The following DERA variants were observed in gnomAD, a reference collection of about 807,000 sequenced individuals.
DERA encodes 2-deoxy-D-ribose 5-phosphate aldolase.
DERA carries 15 observed loss-of-function variants against 41.1 expected under a neutral mutation model. That is an observed-to-expected ratio of 0.37 (90% CI 0.24 to 0.56). DERA has a LOEUF of 0.56. Ranked by LOEUF, DERA falls within the 20% of genes least tolerant of loss-of-function variation. DERA has a pLI of 0.81. For missense variants in DERA, 396 were observed against 403.4 expected (o/e 0.98, Z 0.16); for synonymous variants, 139 against 137.4 (o/e 1.01, Z -0.08).
intron 1 of DERA, among the ~76,000 whole-genome samples, chr12:15,948,909 C>T (rs909159029): frequency 1.3e-4 from 20 of 152,108 alleles, no homozygotes; most frequent in African/African-American, 4.8e-4. Context: ...GTTAGTTTTC[C>T]TTCTAACAGT....
In DERA at chr12:16,011,652, G is replaced by A. The variant is rs965239145; in HGVS notation, c.638-20890G>A. 6.6e-6 allele frequency among the ~76,000 whole-genome samples: 1 copy of A among 152,106 alleles called. No homozygotes were observed. Among genetic ancestry groups the A allele is most frequent in the Non-Finnish European group, 1.5e-5 (1 of 68,008 alleles). ...TGACTTTAAAACTAATCAATGAAAG[G>A]CATTTGCCTAACATAGCAAATCCCT... On this transcript the variant is annotated intron_variant, in intron 6 of 8. Transcript: ENST00000428559. The surrounding 1 kb of genome is among the most constrained non-coding windows in gnomAD (Gnocchi z 4.7).
Position 16,026,092 on chromosome 12 carries a change from A to C in DERA, c.638-6450A>C, listed in dbSNP as rs191872556. ...TGGCATTAGATGCATATATTAGAAA[A>C]GAATAAAGTCAATATGCAAGCTTTC... is the stretch of plus-strand genomic sequence containing the variant. On this transcript the variant is annotated intron_variant, in intron 6 of 8. Coordinates refer to ENST00000428559, the MANE Select transcript of DERA (RefSeq NM_015954.4). This position sits in a 1 kb window ranked among gnomAD's most constrained non-coding sequence, Gnocchi z 4.4. Among the ~76,000 whole-genome samples, 340 of 152,278 alleles carry C rather than the reference A, an allele frequency of 2.2e-3. 4 individuals are homozygous for C. The highest frequency in any genetic ancestry group is 0.01 in the Middle Eastern group (3 of 294).
At chr12:15,986,270 T>C (rs1281615424) in intron 6 of DERA, among the ~76,000 whole-genome samples, 2 of 152,186 alleles carry the variant, frequency 1.3e-5, no homozygotes, top group African/African-American at 4.8e-5. Context: ...AGGCATTTCT[T>C]TTCTAATCTA....
intron 1 of DERA, among the ~76,000 whole-genome samples, chr12:15,945,145 G>T (rs1391614594): frequency 1.1e-4 from 17 of 152,146 alleles, no homozygotes; most frequent in Non-Finnish European, 2.4e-4. Context: ...TTGTAGTATA[G>T]TTTGAAGTCA....
intron 6 of DERA, among the ~76,000 whole-genome samples, chr12:16,006,621 C>T (rs1431494723): frequency 2.0e-5 from 3 of 152,258 alleles, no homozygotes; most frequent in Non-Finnish European, 4.4e-5. Flanking sequence ...CCTGATCCCA[C>T]CTCCTAGCTA....
rs533019330 is a variant in DERA, at chr12:16,008,573, A to G, written c.638-23969A>G. Among the ~76,000 whole-genome samples, 1 of 152,362 alleles carries G rather than the reference A, an allele frequency of 6.6e-6. No homozygotes were observed. Among genetic ancestry groups the G allele is most frequent in the African/African-American group, 2.4e-5 (1 of 41,588 alleles). On this transcript the variant is annotated intron_variant, in intron 6 of 8. Coordinates refer to ENST00000428559, the MANE Select transcript of DERA (RefSeq NM_015954.4). This position sits in a 1 kb window ranked among gnomAD's most constrained non-coding sequence, Gnocchi z 4.8. ...ATGTCCAGGTCAGCAGAGTGAAAGTAAACAGTCCAGGGTCTGTGCTAGGAT... is the reference window on the plus strand; with the variant it reads ...ATGTCCAGGTCAGCAGAGTGAAAGTGAACAGTCCAGGGTCTGTGCTAGGAT...
At position 15,970,853 on chromosome 12, in the gene DERA, CCTAATGT is replaced by C. The variant is rs1446870932; in HGVS notation, c.508+7910_508+7916del. ...ATTCCACCAAAGCAACATGAAAAAA[CCTAATGT>C]CTAGTTTTAGCTTCTGGGGATTACA... is the stretch of plus-strand genomic sequence containing the variant. On this transcript the variant is annotated intron_variant, in intron 5 of 8. Transcript: ENST00000428559. The surrounding 1 kb of genome is among the most constrained non-coding windows in gnomAD (Gnocchi z 4.3). 6.6e-6 allele frequency among the ~76,000 whole-genome samples: 1 copy of C among 152,136 alleles called. No homozygotes were observed. The highest frequency in any genetic ancestry group is 1.9e-4 in the East Asian group (1 of 5,196).
At chr12:15,955,272 C>G (rs1482807449) in intron 1 of DERA, among the ~76,000 whole-genome samples, 1 of 151,144 alleles carries the variant, frequency 6.6e-6, no homozygotes, top group Non-Finnish European at 1.5e-5. Flanking sequence ...GCATTCCAGC[C>G]TGGGCGACAG....
At chr12:16,031,623 ATTC>A (rs1273560853) in intron 6 of DERA, among the ~76,000 whole-genome samples, 1 of 152,196 alleles carries the variant, frequency 6.6e-6, no homozygotes, top group Non-Finnish European at 1.5e-5. Context: ...TGAAAGAGGT[ATTC>A]TTTGTTTGGG....
At position 15,967,961 on chromosome 12, in the gene DERA, G is replaced by C. The variant is rs1044505419; in HGVS notation, c.508+5014G>C. 2.0e-5 allele frequency among the ~76,000 whole-genome samples: 3 copies of C among 152,154 alleles called. No individual in the cohort carries two copies. The highest frequency in any genetic ancestry group is 7.2e-5 in the African/African-American group (3 of 41,430). On this transcript the variant is annotated intron_variant, in intron 5 of 8. Coordinates refer to ENST00000428559, the MANE Select transcript of DERA (RefSeq NM_015954.4). This position sits in a 1 kb window ranked among gnomAD's most constrained non-coding sequence, Gnocchi z 4.9. ...GGGCATTTGTGATAAAAGAATTGAG[G>C]TGTGTATGTGAGGGAGGAATAGGCT...
intron 6 of DERA, among the ~76,000 whole-genome samples, chr12:16,025,248 T>A (rs761795498): frequency 2.2e-4 from 34 of 152,150 alleles, no homozygotes; most frequent in Non-Finnish European, 4.4e-4. Context: ...AGTCTAAATA[T>A]GCCAATTAGA....
At chr12:15,951,441 C>T (rs1948496802) in intron 1 of DERA, 1 of 152,176 alleles carries the variant, frequency 6.6e-6, no homozygotes, top group African/African-American at 2.4e-5. Context: ...GGGTTTAGAG[C>T]TGTGAAAATG....
Position 15,934,260 on chromosome 12 carries a change from C to T in DERA, c.32-22676C>T, listed in dbSNP as rs111612781. Among the ~76,000 whole-genome samples the T allele has an allele frequency of 2.0e-3, 305 of 152,122 alleles. 3 individuals are homozygous for T. Among genetic ancestry groups the T allele is most frequent in the African/African-American group, 6.9e-3 (288 of 41,508 alleles). On this transcript the variant is annotated intron_variant, in intron 1 of 8. Coordinates refer to ENST00000428559, the MANE Select transcript of DERA (RefSeq NM_015954.4). ...GTACTTGGCCTCAGTAGACAGCCTG[C>T]GGGTTTGGATGTATTAGAACTGTGC...
chr12:15,927,098 TAATA>T (rs979348551), intron 1 of DERA, among the ~76,000 whole-genome samples: 20 of 152,228 alleles, frequency 1.3e-4, no homozygotes, highest in African/African-American at 4.6e-4. Context: ...AGTTACATAA[TAATA>T]TAATTGATTT....
rs777966905 is a variant in DERA at position 15,982,313 on chromosome 12, T to A, written c.514T>A (p.Tyr172Asn). 3.8e-5 allele frequency: 62 copies of A among 1,612,694 alleles called. No individual in the cohort carries two copies. The South Asian group carries it at 4.0e-4, about 10-fold the overall frequency. ...TCAATTATTTTCTTCCCCAGCCCTGTATGATGAGATTCGTCAGTTTCGCAA... is the reference window on the plus strand; with the variant it reads ...TCAATTATTTTCTTCCCCAGCCCTGAATGATGAGATTCGTCAGTTTCGCAA... Reference protein sequence around the residue: ...LVLTGQWEALYDEIRQFRKAC... With the variant: ...LVLTGQWEALNDEIRQFRKAC... Residue 172 changes from tyrosine (Y) to asparagine (N), a missense_variant, in exon 6 of 9, where the codon TAT becomes AAT. Tyr to Asn is a moderately radical substitution (Grantham distance 143). Coordinates refer to ENST00000428559, the MANE Select transcript of DERA (RefSeq NM_015954.4). The surrounding 1 kb of genome is among the most constrained non-coding windows in gnomAD (Gnocchi z 4.0).
chr12:16,034,520 C>T (rs566719456), intron 7 of DERA, among the ~76,000 whole-genome samples: 3 of 152,250 alleles, frequency 2.0e-5, no homozygotes, highest in South Asian at 2.1e-4. Context: ...TAATCATATT[C>T]GATTTCAAAC....
At chr12:15,960,551 C>T (rs879333377) in intron 4 of DERA, among the ~76,000 whole-genome samples, 7 of 131,206 alleles carry the variant, frequency 5.3e-5, no homozygotes, top group Non-Finnish European at 9.3e-5. Flanking sequence ...GCTGGAGAAT[C>T]GTTTGAACCT....
rs1019494524 is a variant in DERA, at chr12:16,001,056, C to A, written c.637+18620C>A. Reference sequence around the variant, plus strand: ...TTGAGTGGTTATTAAATACATTTTTCTGCTGGAGTTATTTTTGAAGTACAT... The same window carrying A: ...TTGAGTGGTTATTAAATACATTTTTATGCTGGAGTTATTTTTGAAGTACAT... On this transcript the variant is annotated intron_variant, in intron 6 of 8. Transcript: ENST00000428559. This position sits in a 1 kb window ranked among gnomAD's most constrained non-coding sequence, Gnocchi z 4.1. Among the ~76,000 whole-genome samples the A allele has an allele frequency of 4.6e-5, 7 of 152,120 alleles. No individual in the cohort carries two copies. The highest frequency in any genetic ancestry group is 1.7e-4 in the African/African-American group (7 of 41,426).
At position 16,009,590 on chromosome 12, in the gene DERA, T is replaced by G. The variant is rs1290069661; in HGVS notation, c.638-22952T>G. Among the ~76,000 whole-genome samples the G allele has an allele frequency of 6.6e-6, 1 of 152,202 alleles. No homozygotes were observed. Among genetic ancestry groups the G allele is most frequent in the Admixed American group, 6.5e-5 (1 of 15,288 alleles). ...CCCAAATGCCTTTTTACTTTGTAGG[T>G]TATCATTGTGAATCTCATTTTCCAT... On this transcript the variant is annotated intron_variant, in intron 6 of 8. Coordinates refer to ENST00000428559, the MANE Select transcript of DERA (RefSeq NM_015954.4). The surrounding 1 kb of genome is among the most constrained non-coding windows in gnomAD (Gnocchi z 5.3).
Sources: allele counts gnomAD v4.1 joint callset (sites outside exome capture counted in the v4.1 genomes callset), GRCh38; gene constraint gnomAD v4.1.1; non-coding constraint Gnocchi (gnomAD v3.1); transcripts MANE v1.5; gene names NCBI Gene and HGNC (gene_info 2026-07-23, HGNC 2026-07-21).